The following FLRT1 variants were observed in gnomAD, a reference collection of about 807,000 sequenced individuals.
The protein encoded by FLRT1 is leucine-rich repeat transmembrane protein FLRT1.
In FLRT1, 14 loss-of-function variants were observed where a neutral mutation model predicts 30.9. That is an observed-to-expected ratio of 0.45 (90% confidence interval 0.30 to 0.71). FLRT1 has a LOEUF of 0.71. Ranked by LOEUF, FLRT1 falls within the 30% of genes least tolerant of loss-of-function variation. The pLI, the probability that FLRT1 is intolerant of heterozygous loss-of-function variation, is 0.08. For missense variants in FLRT1, 737 were observed against 949.2 expected, an observed-to-expected ratio of 0.78 and a Z score of 2.94; for synonymous variants, 368 against 430.4, an observed-to-expected ratio of 0.85 and a Z score of 1.80.
intron 2 of FLRT1, among the ~76,000 whole-genome samples, chr11:64,110,612 T>G (rs1254205392): frequency 6.6e-6 from 1 of 151,824 alleles, no homozygotes; most frequent in Non-Finnish European, 1.5e-5. Flanking sequence ...GGAGGAGTAA[T>G]GGACACCTAC....
At chr11:64,068,875 T>C (rs1944054603) in intron 1 of FLRT1, among the ~76,000 whole-genome samples, 2 of 152,150 alleles carry the variant, frequency 1.3e-5, no homozygotes, top group South Asian at 4.1e-4. Context: ...TCCCCGGAGG[T>C]TCACAGAAGT....
intron 1 of FLRT1, among the ~76,000 whole-genome samples, chr11:64,085,643 G>A (rs1445390820): frequency 6.6e-6 from 1 of 152,220 alleles, no homozygotes; most frequent in Non-Finnish European, 1.5e-5. Flanking sequence ...CATGGCTGTG[G>A]GGAGGCTGGG....
chr11:64,041,199 TAAAAAAAAAAAAA>T (rs71045724), intron 1 of FLRT1, among the ~76,000 whole-genome samples: 978 of 21,640 alleles, frequency 0.045, 45 homozygotes, highest in African/African-American at 0.15. Context: ...TAGCAAACTG[TAAAAAAAAAAAAA>T]AAAAAAAAAA....
chr11:64,110,002 C>T (rs1284965292), intron 2 of FLRT1, among the ~76,000 whole-genome samples: 4 of 151,972 alleles, frequency 2.6e-5, no homozygotes, highest in East Asian at 1.9e-4. Flanking sequence ...CTGGATGCGT[C>T]GGGGGCATCC....
At chr11:64,109,380 T>C (rs1326355829) in intron 2 of FLRT1, among the ~76,000 whole-genome samples, 1 of 152,024 alleles carries the variant, frequency 6.6e-6, no homozygotes, top group Non-Finnish European at 1.5e-5. Flanking sequence ...GCTTCCCTAC[T>C]GCTCCCCCAG....
chr11:64,094,788 G>A (rs551735023), intron 1 of FLRT1, among the ~76,000 whole-genome samples: 6 of 152,340 alleles, frequency 3.9e-5, no homozygotes, highest in East Asian at 1.9e-4. Context: ...CCACGACCAC[G>A]GCATCCTTGG....
In FLRT1 at chr11:64,090,617, G is replaced by C. The variant is rs1031728436; in HGVS notation, c.-1037-12577G>C. ...CTGTGGCCAGCCATCGCCGCAGGAG[G>C]GGTCCCAGCTGGAGCACTGCGCAGC... On this transcript the variant is annotated intron_variant, in intron 1 of 2. Coordinates refer to ENST00000682287, the MANE Select transcript of FLRT1 (RefSeq NM_013280.5). This position sits in a 1 kb window ranked among gnomAD's most constrained non-coding sequence, Gnocchi z 4.7. Among the ~76,000 whole-genome samples the C allele has an allele frequency of 1.3e-5, 2 of 152,186 alleles. No individual in the cohort carries two copies. Among genetic ancestry groups the C allele is most frequent in the Non-Finnish European group, 2.9e-5 (2 of 68,034 alleles).
chr11:64,083,877 C>T (rs1018262010), intron 1 of FLRT1, among the ~76,000 whole-genome samples: 14 of 152,258 alleles, frequency 9.2e-5, no homozygotes, highest in Non-Finnish European at 1.3e-4. Flanking sequence ...GGGTGCTGGG[C>T]GAGTGTGAGC....
chr11:64,071,527 T>C, intron 1 of FLRT1, among the ~76,000 whole-genome samples: 1 of 152,044 alleles, frequency 6.6e-6, no homozygotes, highest in East Asian at 1.9e-4. Context: ...CTGGGGCCCA[T>C]CCCAGACCAG....
intron 1 of FLRT1, among the ~76,000 whole-genome samples, chr11:64,041,170 C>T (rs1943476854): frequency 8.7e-6 from 1 of 115,352 alleles, no homozygotes; most frequent in African/African-American, 3.6e-5. Flanking sequence ...TAATCGTTGG[C>T]ACCAGATTAC....
chr11:64,045,957 CTG>C (rs886572623), intron 1 of FLRT1, among the ~76,000 whole-genome samples: 3 of 152,202 alleles, frequency 2.0e-5, no homozygotes, highest in Non-Finnish European at 4.4e-5. Context: ...GGTAACATGA[CTG>C]AGCACTCACT....
chr11:64,072,151 G>A (rs1202903496), intron 1 of FLRT1, among the ~76,000 whole-genome samples: 1 of 152,218 alleles, frequency 6.6e-6, no homozygotes, highest in Non-Finnish European at 1.5e-5. Flanking sequence ...GGGAGTGAGT[G>A]GGAGCTGTGG....
At chr11:64,044,740 C>T (rs1943552648) in intron 1 of FLRT1, among the ~76,000 whole-genome samples, 1 of 152,144 alleles carries the variant, frequency 6.6e-6, no homozygotes, top group Non-Finnish European at 1.5e-5. Flanking sequence ...AGGTCACCAG[C>T]ACCTGAGCTT....
chr11:64,080,358 T>C (rs142058562), intron 1 of FLRT1, among the ~76,000 whole-genome samples: 50 of 152,328 alleles, frequency 3.3e-4, no homozygotes, highest in African/African-American at 1.2e-3. Context: ...CTTTAAACAT[T>C]GAGATATAAC....
intron 2 of FLRT1, among the ~76,000 whole-genome samples, chr11:64,108,213 T>C (rs1193201847): frequency 2.0e-5 from 3 of 151,212 alleles, no homozygotes; most frequent in Non-Finnish European, 2.9e-5. Flanking sequence ...CGCGGGAGGC[T>C]GAGGCAGAAG....
intron 2 of FLRT1, 105 bp from the exon 3 acceptor site, chr11:64,116,114 G>C: frequency 1.6e-6 from 2 of 1,237,214 alleles, no homozygotes; most frequent in Non-Finnish European, 2.2e-6. Flanking sequence ...CCGGACTTCG[G>C]TCACCCCTTG....
intron 1 of FLRT1, among the ~76,000 whole-genome samples, chr11:64,074,266 G>A (rs916653569): frequency 6.6e-6 from 1 of 152,214 alleles, no homozygotes; most frequent in Non-Finnish European, 1.5e-5. Flanking sequence ...TTTCTCAGGT[G>A]TGAGGCTCAT....
intron 1 of FLRT1, among the ~76,000 whole-genome samples, chr11:64,069,358 T>A (rs1270462490): frequency 6.6e-6 from 1 of 152,116 alleles, no homozygotes; most frequent in Non-Finnish European, 1.5e-5. Context: ...TGCCAGAGGA[T>A]GGGGGTCTCT....
At chr11:64,077,714 G>A (rs551386898) in intron 1 of FLRT1, among the ~76,000 whole-genome samples, 2 of 152,204 alleles carry the variant, frequency 1.3e-5, no homozygotes, top group African/African-American at 4.8e-5. Flanking sequence ...CATTCAAACA[G>A]GTCTCAGGGG....
Sources: allele counts gnomAD v4.1 joint callset (sites outside exome capture counted in the v4.1 genomes callset), GRCh38; gene constraint gnomAD v4.1.1; non-coding constraint Gnocchi (gnomAD v3.1); transcripts MANE v1.5; gene names NCBI Gene and HGNC (gene_info 2026-07-23, HGNC 2026-07-21).